Variants in ZNF695 observed in about 807,000 individuals in gnomAD.
ZNF695 encodes zinc finger protein SBZF3.
A neutral mutation model predicts 11.2 loss-of-function variants in ZNF695; 11 were observed. The observed-to-expected ratio is 0.98, with a 90% CI of 0.62 to 1.62. The LOEUF is 1.62. Among genes scored for constraint, ZNF695 ranks in the 40% most tolerant of loss-of-function variants. The pLI, the probability that ZNF695 is intolerant of heterozygous loss-of-function variation, is 0.00. For missense variants in ZNF695, 559 were observed against 590.5 expected, an observed-to-expected ratio of 0.95 and a Z score of 0.55; for synonymous variants, 190 against 201.4, an observed-to-expected ratio of 0.94 and a Z score of 0.48.
downstream of ZNF695, chr1:246,945,628 C>A: frequency 1.2e-5 from 8 of 650,154 alleles, no homozygotes; most frequent in Admixed American, 3.2e-5. Context: ...CAATAAAAAC[C>A]AACATGGAAG....
At chr1:246,948,553 C>T (rs1691244) in intron 5 of ZNF695, among the ~76,000 whole-genome samples, 2 of 151,536 alleles carry the variant, frequency 1.3e-5, no homozygotes, top group East Asian at 1.9e-4. Flanking sequence ...GGAAACAGTA[C>T]CTTGATTTAC....
At chr1:246,971,175 C>G (rs1037377623) in intron 4 of ZNF695, among the ~76,000 whole-genome samples, 4 of 152,174 alleles carry the variant, frequency 2.6e-5, no homozygotes, top group African/African-American at 9.7e-5. Flanking sequence ...AGTCACCTGT[C>G]CACCGGAGAG....
chr1:246,969,706 C>G (rs1029092835), intron 4 of ZNF695: 1 of 152,224 alleles, frequency 6.6e-6, no homozygotes, highest in Admixed American at 6.5e-5. Flanking sequence ...TTAGTCAGCT[C>G]AGGGTTCTGT....
chr1:247,003,188 A>G (rs886969791), intron 1 of ZNF695, among the ~76,000 whole-genome samples: 2 of 152,236 alleles, frequency 1.3e-5, no homozygotes, highest in Non-Finnish European at 2.9e-5. Context: ...CCTTTTCACA[A>G]TAGCAAAGAC....
At chr1:246,948,146 T>C (rs1667786149) in intron 5 of ZNF695, among the ~76,000 whole-genome samples, 1 of 152,198 alleles carries the variant, frequency 6.6e-6, no homozygotes, top group African/African-American at 2.4e-5. Context: ...TGATCTTGGC[T>C]GACTGCAACC....
At chr1:246,973,489 C>G (rs1339789555) in intron 4 of ZNF695, among the ~76,000 whole-genome samples, 2 of 152,160 alleles carry the variant, frequency 1.3e-5, no homozygotes, top group East Asian at 3.9e-4. Flanking sequence ...TTGCGACCAG[C>G]AATTATCATG....
chr1:246,995,462 G>A (rs985040347), intron 3 of ZNF695, among the ~76,000 whole-genome samples: 48 of 152,174 alleles, frequency 3.2e-4, no homozygotes, highest in African/African-American at 8.4e-4. Flanking sequence ...TACACAGTGC[G>A]TGAAGGAACC....
intron 5 of ZNF695, among the ~76,000 whole-genome samples, chr1:246,950,576 G>A (rs541893398): frequency 4.7e-5 from 7 of 149,304 alleles, no homozygotes; most frequent in Non-Finnish European, 1.0e-4. Context: ...TCTTGAACCC[G>A]GGAGGCAGAG....
chr1:246,966,307 G>A (rs1476082998), intron 5 of ZNF695, among the ~76,000 whole-genome samples: 1 of 152,132 alleles, frequency 6.6e-6, no homozygotes, highest in Non-Finnish European at 1.5e-5. Context: ...AGGCCAACAT[G>A]TTGAAACCCC....
intron 5 of ZNF695, among the ~76,000 whole-genome samples, chr1:246,947,312 C>G (rs1244924216): frequency 5.9e-5 from 9 of 151,372 alleles, no homozygotes; most frequent in Non-Finnish European, 1.3e-4. Context: ...TAGCCTCACA[C>G]TCCTGGGCTC....
Position 246,963,915 on chromosome 1 carries a change from T to C in ZNF695, c.488+3780A>G, listed in dbSNP as rs550782603. ...CCAGGCTGTGACCCGTGTTCCTGAC[T>C]GACAGGCTGTACACTGGAGTTCCCA... On this transcript the variant is annotated intron_variant, in intron 5 of 5. Transcript: ENST00000487338. Among the ~76,000 whole-genome samples, 22 of 152,368 alleles carry C rather than the reference T, an allele frequency of 1.4e-4. No individual in the cohort carries two copies. In the South Asian group the frequency reaches 4.3e-3, roughly 30 times the overall value.
Position 246,994,990 on chromosome 1 carries a change from G to A in ZNF695, c.259+4358C>T, listed in dbSNP as rs191841328. 4.6e-5 allele frequency among the ~76,000 whole-genome samples: 7 copies of A among 152,206 alleles called. No homozygotes were observed. The East Asian group carries it at 1.4e-3, about 29-fold the overall frequency. ...TATGTCTACATCTGTGTCTCACCAG[G>A]GTTCACGATATATAAAGCAACTATT... On this transcript the variant is annotated intron_variant, in intron 3 of 3. Transcript: ENST00000339986.
chr1:246,953,708 A>C (rs887342590), intron 5 of ZNF695, among the ~76,000 whole-genome samples: 9 of 152,152 alleles, frequency 5.9e-5, no homozygotes, highest in Non-Finnish European at 8.8e-5. Context: ...GGGTCACCTG[A>C]GGTCAGGAGT....
At chr1:246,979,738 G>C (rs1479060367) in intron 4 of ZNF695, 1 of 150,464 alleles carries the variant, frequency 6.6e-6, no homozygotes, top group East Asian at 2.0e-4. Context: ...TTAGTTTAGA[G>C]TATTCTTTAA....
Position 246,999,377 on chromosome 1 carries a change from A to G in ZNF695, c.230T>C (p.Val77Ala). 6.2e-7 allele frequency: 1 copy of G among 1,613,948 alleles called. No individual in the cohort carries two copies. Among genetic ancestry groups the G allele is most frequent in the South Asian group, 1.1e-5 (1 of 91,080 alleles). ...CLEARKEPWN[V>A]NTEKTARHSV... ...GTGTCTGGCTGTCTTCTCTGTGTTCACGTTCCAGGGCTCTTTCCTTGCCTC... is the reference window on the plus strand; with the variant it reads ...GTGTCTGGCTGTCTTCTCTGTGTTCGCGTTCCAGGGCTCTTTCCTTGCCTC... Residue 77 changes from valine (V) to alanine (A), a missense_variant, in exon 3 of 4, where the codon GTG becomes GCG. Coordinates refer to ENST00000339986, the MANE Select transcript of ZNF695 (RefSeq NM_020394.5).
intron 3 of ZNF695, among the ~76,000 whole-genome samples, chr1:246,998,045 C>T (rs144377348): frequency 6.6e-6 from 1 of 152,292 alleles, no homozygotes; most frequent in Non-Finnish European, 1.5e-5. Flanking sequence ...GTGTTTTCAA[C>T]ATAAAACTAA....
At chr1:246,972,582 G>T (rs193230006) in intron 4 of ZNF695, among the ~76,000 whole-genome samples, 1 of 152,148 alleles carries the variant, frequency 6.6e-6, no homozygotes, top group African/African-American at 2.4e-5. Flanking sequence ...AGTAAATGGC[G>T]TGATCTCGGC....
chr1:246,990,801 G>T (rs10802458), intron 3 of ZNF695, among the ~76,000 whole-genome samples: 3 of 152,050 alleles, frequency 2.0e-5, no homozygotes, highest in Non-Finnish European at 4.4e-5. Context: ...AGAATGAAAA[G>T]AGGAATTTTC....
intron 5 of ZNF695, among the ~76,000 whole-genome samples, chr1:246,957,157 C>T (rs1004065466): frequency 6.6e-6 from 1 of 152,084 alleles, no homozygotes; most frequent in Non-Finnish European, 1.5e-5. Context: ...CCGAGGCCGG[C>T]AGATCATGAG....
Sources: gnomAD v4.1 joint callset for allele counts (sites outside exome capture counted in the v4.1 genomes callset) on GRCh38, gnomAD v4.1.1 for gene constraint, MANE v1.5 for transcripts, NCBI Gene and HGNC (gene_info 2026-07-23, HGNC 2026-07-21) for gene names.